The following PARG variants were observed in gnomAD, a reference collection of about 807,000 sequenced individuals.
PARG encodes poly(ADP-ribose) glycohydrolase.
PARG carries 35 observed loss-of-function variants against 113.0 expected under a neutral mutation model. That is an observed-to-expected ratio of 0.31 (90% CI 0.24 to 0.41). The LOEUF (loss-of-function observed/expected upper bound fraction) is 0.41. Among genes scored for constraint, PARG ranks in the 10% least tolerant of loss-of-function variants. PARG has a pLI of 1.00. For synonymous variants in PARG, 330 were observed against 409.9 expected (o/e 0.81, Z 2.36); for missense variants, 797 against 1,169.4 (o/e 0.68, Z 4.64).
At chr10:49,887,063 T>TA (rs782037755) in intron 7 of PARG, among the ~76,000 whole-genome samples, 675 of 151,498 alleles carry the variant, frequency 4.5e-3, no homozygotes, top group East Asian at 0.017. Flanking sequence ...TTTTTTTTTT[T>TA]AATAGAAACA....
At chr10:49,932,383 A>G in intron 3 of PARG, 100 bp from the exon 4 acceptor site, 1 of 746,100 alleles carries the variant, frequency 1.3e-6, no homozygotes, top group Non-Finnish European at 2.4e-6. Flanking sequence ...TGTTTAAAGT[A>G]TGCCATACTT....
At chr10:49,893,133 T>C (rs1423884484) in intron 7 of PARG, among the ~76,000 whole-genome samples, 1 of 138 alleles carries the variant, frequency 7.2e-3, no homozygotes, top group Non-Finnish European at 0.014. Context: ...GGTAAGTATA[T>C]GTTCAGTTTT....
intron 7 of PARG, among the ~76,000 whole-genome samples, chr10:49,888,794 T>G (rs1300179176): frequency 2.0e-5 from 3 of 152,200 alleles, no homozygotes; most frequent in Admixed American, 6.5e-5. Context: ...AGCCATTATT[T>G]CTTTGAATAT....
At chr10:49,887,049 T>G (rs1386491464) in intron 7 of PARG, among the ~76,000 whole-genome samples, 1 of 139,198 alleles carries the variant, frequency 7.2e-6, no homozygotes, top group Non-Finnish European at 1.6e-5. Context: ...ATAATTTATC[T>G]TTTTTTTTTT....
At position 49,819,411 on chromosome 10, in the gene PARG, G is replaced by C. The variant is rs1213987826; in HGVS notation, c.2860C>G (p.Pro954Ala). Residue 954 changes from proline to alanine, a missense_variant, in exon 18 of 18, where the codon CCA becomes GCA. Around this residue, in one of 5 missense-constraint regions of PARG, gnomAD observed 194 missense variants for 247.1 expected, o/e 0.79. Transcript: ENST00000616448. Reference sequence around the variant, plus strand: ...GACTCGACAGCATGGTATATGAATGGATAAAGCTTGATGTCTGGTCCAGGG... The same window carrying C: ...GACTCGACAGCATGGTATATGAATGCATAAAGCTTGATGTCTGGTCCAGGG... ...STPGPDIKLY[P>A]FIYHAVESCA... 3 of 1,551,082 alleles carry C rather than the reference G, an allele frequency of 1.9e-6. No homozygotes were observed. Among genetic ancestry groups the C allele is most frequent in the African/African-American group, 2.7e-5 (2 of 73,010 alleles).
At chr10:49,887,045 T>A (rs1554840560) in intron 7 of PARG, among the ~76,000 whole-genome samples, 1 of 151,802 alleles carries the variant, frequency 6.6e-6, no homozygotes, top group African/African-American at 2.4e-5. Flanking sequence ...GTTTATAATT[T>A]ATCTTTTTTT....
chr10:49,898,082 G>A (rs1156773663), intron 7 of PARG, among the ~76,000 whole-genome samples: 2 of 152,118 alleles, frequency 1.3e-5, no homozygotes, highest in Non-Finnish European at 2.9e-5. Flanking sequence ...AGAAATACTG[G>A]CCAAGAAACT....
At chr10:49,848,209 C>A (rs1168086265) in intron 13 of PARG, among the ~76,000 whole-genome samples, 2 of 143,374 alleles carry the variant, frequency 1.4e-5, no homozygotes, top group African/African-American at 5.3e-5. Flanking sequence ...ATTATCTGGG[C>A]GTGGTGGCGT....
At chr10:49,843,273 C>T (rs752793682) in intron 14 of PARG, among the ~76,000 whole-genome samples, 3 of 152,170 alleles carry the variant, frequency 2.0e-5, no homozygotes, top group Non-Finnish European at 4.4e-5. Context: ...TTAACCTCCA[C>T]GGTTTCTGAT....
chr10:49,846,526 A>G (rs1280623705), intron 13 of PARG, among the ~76,000 whole-genome samples: 56 of 152,306 alleles, frequency 3.7e-4, no homozygotes, highest in Admixed American at 9.8e-4. Context: ...AATGAACTCT[A>G]TTTAACAGGT....
rs1286413235 is a variant in PARG at position 49,889,229 on chromosome 10, C to T, written c.1738-3934G>A. Among the ~76,000 whole-genome samples, 10 of 151,776 alleles carry T rather than the reference C, an allele frequency of 6.6e-5. No individual in the cohort carries two copies. In the South Asian group the frequency reaches 1.9e-3, roughly 29 times the overall value. On this transcript the variant is annotated intron_variant, in intron 7 of 17. Coordinates refer to ENST00000616448, the MANE Select transcript of PARG (RefSeq NM_003631.5). ...CATTTTTCATTTCAGTTGAGATTTTCCTGATTCTTTTCTGGTCATGAGGGA... is the reference window on the plus strand; with the variant it reads ...CATTTTTCATTTCAGTTGAGATTTTTCTGATTCTTTTCTGGTCATGAGGGA...
intron 7 of PARG, among the ~76,000 whole-genome samples, chr10:49,903,810 A>G (rs1412675624): frequency 6.6e-6 from 1 of 151,872 alleles, no homozygotes; most frequent in East Asian, 1.9e-4. Flanking sequence ...AAATGATGCC[A>G]GAGAGGTGGG....
rs375657018 is a variant in PARG at position 49,925,476 on chromosome 10, A to C, written c.1456-2807T>G. On this transcript the variant is annotated intron_variant, in intron 4 of 17. Coordinates refer to ENST00000616448, the MANE Select transcript of PARG (RefSeq NM_003631.5). ...TGGACCAAATCAATATGCATCTTAC[A>C]TGTATTGATTGACGTCTTATACCTC... 3.9e-5 allele frequency among the ~76,000 whole-genome samples: 6 copies of C among 152,156 alleles called. No individual in the cohort carries two copies. In the East Asian group the frequency reaches 7.7e-4, roughly 20 times the overall value.
At chr10:49,859,875 G>A (rs1400158369) in intron 12 of PARG, among the ~76,000 whole-genome samples, 2 of 152,104 alleles carry the variant, frequency 1.3e-5, no homozygotes, top group African/African-American at 4.8e-5. Flanking sequence ...TACAACAGTT[G>A]AGAAACCTGT....
At chr10:49,920,483 T>A (rs1168916086) in intron 6 of PARG, among the ~76,000 whole-genome samples, 1 of 103,930 alleles carries the variant, frequency 9.6e-6, no homozygotes, top group Non-Finnish European at 2.1e-5. Context: ...TATATATATA[T>A]ATATATATAT....
chr10:49,922,043 A>T (rs1837901934), intron 6 of PARG, among the ~76,000 whole-genome samples: 1 of 152,194 alleles, frequency 6.6e-6, no homozygotes. Flanking sequence ...GATAATTTTA[A>T]AACAAAAAAA....
intron 7 of PARG, among the ~76,000 whole-genome samples, chr10:49,910,333 A>G (rs1837099958): frequency 6.6e-6 from 1 of 152,240 alleles, no homozygotes; most frequent in Admixed American, 6.5e-5. Context: ...TTTGAAGTAA[A>G]GACTTTATGC....
chr10:49,892,919 T>TA (rs1458591679), intron 7 of PARG, among the ~76,000 whole-genome samples: 1 of 152,216 alleles, frequency 6.6e-6, no homozygotes, highest in Non-Finnish European at 1.5e-5. Flanking sequence ...CTATCTCTAC[T>TA]AAAAATACAA....
At chr10:49,911,813 C>T (rs576697632) in intron 7 of PARG, among the ~76,000 whole-genome samples, 28 of 152,258 alleles carry the variant, frequency 1.8e-4, no homozygotes, top group Admixed American at 5.2e-4. Flanking sequence ...GAACTCCTCT[C>T]GTTGTAAGGT....
Sources: allele counts gnomAD v4.1 joint callset (sites outside exome capture counted in the v4.1 genomes callset), GRCh38; gene constraint gnomAD v4.1.1; regional missense constraint gnomAD v4.1.1; transcripts MANE v1.5; gene names NCBI Gene and HGNC (gene_info 2026-07-23, HGNC 2026-07-21).